The following SATB1 variants were observed in gnomAD, a reference collection of about 807,000 sequenced individuals.
SATB1 encodes the protein SATB homeobox 1, also known as DNA-binding protein SATB1.
A neutral mutation model predicts 86.9 loss-of-function variants in SATB1; 11 were observed. That is an observed-to-expected ratio of 0.13 (90% confidence interval 0.08 to 0.21). The LOEUF (loss-of-function observed/expected upper bound fraction) is 0.21. Among genes scored for constraint, SATB1 ranks in the 10% least tolerant of loss-of-function variants. The pLI is 1.00. For missense variants in SATB1, 551 were observed against 937.6 expected, an observed-to-expected ratio of 0.59 and a Z score of 5.39; for synonymous variants, 357 against 357.2, an observed-to-expected ratio of 1.00 and a Z score of 0.01.
At chr3:18,363,570 G>C (rs1275786387) in intron 9 of SATB1, among the ~76,000 whole-genome samples, 1 of 152,124 alleles carries the variant, frequency 6.6e-6, no homozygotes, top group African/African-American at 2.4e-5. Flanking sequence ...TGGCAGCAGT[G>C]AAGCATGACC....
At chr3:18,436,241 G>A (rs773752273) in intron 2 of SATB1, among the ~76,000 whole-genome samples, 13 of 152,094 alleles carry the variant, frequency 8.5e-5, no homozygotes, top group Admixed American at 1.3e-4. Context: ...TTCAATGGGA[G>A]CCTGAAAAAC....
chr3:18,358,049 TTAAA>T (rs1367399528), intron 9 of SATB1, among the ~76,000 whole-genome samples: 5 of 151,980 alleles, frequency 3.3e-5, no homozygotes, highest in Non-Finnish European at 7.4e-5. Flanking sequence ...AACTGATACT[TTAAA>T]TACATCAAAT....
Position 18,348,100 on chromosome 3 carries a change from T to TG in SATB1, c.*1069_*1070insC, listed in dbSNP as rs1694148068. The TG allele has an allele frequency of 6.6e-6, 1 of 152,598 alleles. No homozygotes were observed. The highest frequency in any genetic ancestry group is 1.5e-5 in the Non-Finnish European group (1 of 68,020). 9.5% of individuals were successfully genotyped at this position (152,598 alleles called of 1,614,324 possible). On this transcript the variant is annotated 3_prime_UTR_variant, in exon 11 of 11. Coordinates refer to ENST00000338745, the MANE Select transcript of SATB1 (RefSeq NM_002971.6). ...AAACTCATAAAAAAGAAATACACCT[T>TG]TATACAGAAATTTTATACAGATGTA...
At chr3:18,383,886 A>C (rs1240620772) in intron 8 of SATB1, among the ~76,000 whole-genome samples, 1 of 152,168 alleles carries the variant, frequency 6.6e-6, no homozygotes, top group Non-Finnish European at 1.5e-5. Flanking sequence ...GAATGTGAAC[A>C]AACTGGTAGT....
Position 18,416,004 on chromosome 3 carries a change from C to A in SATB1, c.515+3G>T. On this transcript the variant is annotated splice_donor_region_variant and intron_variant, in intron 4 of 10. Transcript: ENST00000338745. ...TCACCCTAGATTTGCTGTCTTGACTCACCTGTGTAACTGAATTTTCAATGT... is the reference window on the plus strand; with the variant it reads ...TCACCCTAGATTTGCTGTCTTGACTAACCTGTGTAACTGAATTTTCAATGT... The A allele has an allele frequency of 6.3e-7, 1 of 1,595,188 alleles. No homozygotes were observed. The highest frequency in any genetic ancestry group is 1.1e-5 in the South Asian group (1 of 88,756).
intron 7 of SATB1, among the ~76,000 whole-genome samples, chr3:18,392,197 GA>G (rs986733751): frequency 6.6e-6 from 1 of 151,546 alleles, no homozygotes; most frequent in Admixed American, 6.6e-5. Context: ...TCCTCTCACA[GA>G]AAAAAAAGTC....
At chr3:18,354,928 T>C (rs1416381787) in intron 9 of SATB1, among the ~76,000 whole-genome samples, 1 of 152,132 alleles carries the variant, frequency 6.6e-6, no homozygotes, top group Non-Finnish European at 1.5e-5. Context: ...TTTTTATTAA[T>C]TGCCCATGAC....
intron 1 of SATB1, among the ~76,000 whole-genome samples, chr3:18,437,140 A>C (rs1699091332): frequency 6.6e-6 from 1 of 152,228 alleles, no homozygotes; most frequent in Non-Finnish European, 1.5e-5. Context: ...AAAGTGACTA[A>C]AATTATTCCA....
chr3:18,415,530 T>C lies in SATB1; in HGVS notation c.516-296A>G, dbSNP rs116378505. 3.3e-3 allele frequency among the ~76,000 whole-genome samples: 501 copies of C among 152,200 alleles called. 4 individuals are homozygous for C. Among genetic ancestry groups the C allele is most frequent in the African/African-American group, 0.012 (481 of 41,554 alleles). On this transcript the variant is annotated intron_variant, in intron 4 of 10. Coordinates refer to ENST00000338745, the MANE Select transcript of SATB1 (RefSeq NM_002971.6). The stretch of plus-strand genomic sequence containing the variant: ...TGTACTGCTTTCTCCTGAGCCATCA[T>C]GAAAAGCTTTAATGTATTAACCGAT...
chr3:18,370,284 A>G (rs1468869450), intron 9 of SATB1, among the ~76,000 whole-genome samples: 1 of 152,066 alleles, frequency 6.6e-6, no homozygotes, highest in Non-Finnish European at 1.5e-5. Flanking sequence ...CGACAGATCT[A>G]ACTGTCTTGT....
At chr3:18,376,273 C>T (rs201809802) in intron 9 of SATB1, among the ~76,000 whole-genome samples, 21 of 143,398 alleles carry the variant, frequency 1.5e-4, no homozygotes, top group African/African-American at 5.0e-4. Context: ...AAAATGATGG[C>T]GGGGGTGGGG....
In SATB1 at chr3:18,379,191, A is replaced by T. The variant is rs191970439; in HGVS notation, c.1420-866T>A. 3.0e-4 allele frequency among the ~76,000 whole-genome samples: 46 copies of T among 152,322 alleles called. No individual in the cohort carries two copies. The East Asian group carries it at 7.5e-3, about 25-fold the overall frequency. On this transcript the variant is annotated intron_variant, in intron 8 of 10. Transcript: ENST00000338745. The stretch of plus-strand genomic sequence containing the variant: ...AGATATCGGCAGTAAAATGCCACAA[A>T]ATTTTAGGGGCTGAAAGCAAATCTC...
chr3:18,383,296 A>G (rs1332507556), intron 8 of SATB1, among the ~76,000 whole-genome samples: 2 of 152,214 alleles, frequency 1.3e-5, no homozygotes, highest in Non-Finnish European at 2.9e-5. Flanking sequence ...CCTTTCTTGA[A>G]GATGACTTAG....
At chr3:18,385,348 C>T (rs749784038) in intron 8 of SATB1, among the ~76,000 whole-genome samples, 7 of 152,050 alleles carry the variant, frequency 4.6e-5, no homozygotes, top group African/African-American at 1.4e-4. Flanking sequence ...TGCAGCCGGG[C>T]GCGGTGGCTC....
intron 2 of SATB1, 161 bp from the exon 3 acceptor site, chr3:18,417,239 T>C (rs1698165244): frequency 3.2e-6 from 2 of 629,614 alleles, no homozygotes; most frequent in Non-Finnish European, 5.5e-6. Context: ...TGCACACAAA[T>C]ATATACATTC....
intron 9 of SATB1, among the ~76,000 whole-genome samples, chr3:18,355,357 G>A (rs1026183103): frequency 7.9e-5 from 12 of 151,876 alleles, no homozygotes; most frequent in Non-Finnish European, 1.6e-4. Flanking sequence ...AAATTCTATT[G>A]ATTGTTACTC....
intron 2 of SATB1, chr3:18,417,836 G>A (rs1698197461): frequency 3.6e-6 from 2 of 561,640 alleles, no homozygotes; most frequent in African/African-American, 1.9e-5. Context: ...ATGAGAGATA[G>A]AAAAGGAAAC....
chr3:18,359,765 T>C (rs1327488401), intron 9 of SATB1, among the ~76,000 whole-genome samples: 1 of 151,982 alleles, frequency 6.6e-6, no homozygotes, highest in African/African-American at 2.4e-5. Flanking sequence ...TCTTCAAATG[T>C]TAACTTTTAA....
At chr3:18,363,743 T>C (rs1695038729) in intron 9 of SATB1, among the ~76,000 whole-genome samples, 2 of 152,184 alleles carry the variant, frequency 1.3e-5, no homozygotes, top group Admixed American at 1.3e-4. Context: ...ACCATCTATG[T>C]GCTAGTCATT....
Sources: allele counts gnomAD v4.1 joint callset (sites outside exome capture counted in the v4.1 genomes callset), GRCh38; gene constraint gnomAD v4.1.1; transcripts MANE v1.5; gene names NCBI Gene and HGNC (gene_info 2026-07-23, HGNC 2026-07-21).